Variants in PDS5A observed in about 807,000 individuals in gnomAD.
The protein encoded by PDS5A is sister chromatid cohesion protein PDS5 homolog A.
PDS5A carries 42 observed loss-of-function variants against 167.1 expected under a neutral mutation model. The ratio of observed to expected loss-of-function variants is 0.25; its 90% confidence interval spans 0.20 to 0.33. The LOEUF (loss-of-function observed/expected upper bound fraction) is 0.33, where lower values mean the gene tolerates loss of function less well. PDS5A is among the 10% of genes least tolerant of loss of function. PDS5A has a pLI of 1.00. For missense variants in PDS5A, 1,033 were observed against 1,605.9 expected (o/e 0.64, Z 6.10); for synonymous variants, 553 against 554.6 (o/e 1.00, Z 0.04).
intron 2 of PDS5A, among the ~76,000 whole-genome samples, chr4:39,955,596 G>A (rs1378901793): frequency 6.6e-6 from 1 of 151,772 alleles, no homozygotes; most frequent in African/African-American, 2.4e-5. Flanking sequence ...GCGAGACTCT[G>A]TCATAAAAAA....
At chr4:39,863,962 C>T (rs944471569) in intron 23 of PDS5A, among the ~76,000 whole-genome samples, 1 of 151,942 alleles carries the variant, frequency 6.6e-6, no homozygotes, top group Admixed American at 6.6e-5. Context: ...AACCCTGTTT[C>T]TACTAAAAAT....
intron 2 of PDS5A, among the ~76,000 whole-genome samples, chr4:39,955,328 G>A (rs575128040): frequency 3.3e-5 from 5 of 152,260 alleles, no homozygotes; most frequent in South Asian, 2.1e-4. Context: ...AGGGCCGGGC[G>A]TGGTGGCTCA....
At chr4:39,920,429 C>A in intron 6 of PDS5A, 30 bp from the exon 7 acceptor site, 1 of 1,005,868 alleles carries the variant, frequency 9.9e-7, no homozygotes, top group East Asian at 2.4e-5. Context: ...TGGAAAGTTA[C>A]AAATAAATGT....
At chr4:39,895,110 C>T (rs1476506389) in intron 16 of PDS5A, among the ~76,000 whole-genome samples, 1 of 151,106 alleles carries the variant, frequency 6.6e-6, no homozygotes, top group Non-Finnish European at 1.5e-5. Context: ...GCCTGTAGTC[C>T]CAGCTACTCG....
In PDS5A at chr4:39,824,291, T is replaced by C. The variant is rs1440246334; in HGVS notation, c.*1194A>G. The stretch of plus-strand genomic sequence containing the variant: ...ATGAAAAAATTCACAAGAAAGCATA[T>C]GATAAAAAGATTAAAAAGACTGCCA... On this transcript the variant is annotated 3_prime_UTR_variant, in exon 33 of 33. Transcript: ENST00000303538. The C allele has an allele frequency of 6.6e-6, 1 of 152,134 alleles. No individual in the cohort carries two copies. Among genetic ancestry groups the C allele is most frequent in the African/African-American group, 2.4e-5 (1 of 41,430 alleles). The allele number at this position is 152,134 out of a possible 1,614,324, so 9.4% of individuals were successfully genotyped here. A position where few individuals can be genotyped will look rare whatever the true frequency, so the allele number is the denominator to read the frequency against.
intron 22 of PDS5A, among the ~76,000 whole-genome samples, chr4:39,868,098 G>T: frequency 6.6e-6 from 1 of 152,088 alleles, no homozygotes; most frequent in Non-Finnish European, 1.5e-5. Flanking sequence ...CAAAGAAGAT[G>T]ATACAATCTT....
intron 4 of PDS5A, among the ~76,000 whole-genome samples, chr4:39,926,314 G>A (rs1239637875): frequency 6.6e-6 from 1 of 152,044 alleles, no homozygotes; most frequent in Non-Finnish European, 1.5e-5. Context: ...CTGAGGTCAG[G>A]AGTTTGAGAC....
At chr4:39,881,155 G>A (rs534261935) in intron 17 of PDS5A, among the ~76,000 whole-genome samples, 18 of 151,700 alleles carry the variant, frequency 1.2e-4, no homozygotes, top group African/African-American at 2.9e-4. Flanking sequence ...TTTTATGGCC[G>A]AATAGTATTC....
At chr4:39,972,406 G>A (rs931574433) in intron 2 of PDS5A, among the ~76,000 whole-genome samples, 11 of 152,292 alleles carry the variant, frequency 7.2e-5, no homozygotes, top group African/African-American at 2.4e-4. Context: ...TCTAATCCCA[G>A]CTACTTGGGA....
chr4:39,967,075 T>G (rs1578845440), intron 2 of PDS5A, among the ~76,000 whole-genome samples: 2 of 151,658 alleles, frequency 1.3e-5, no homozygotes, highest in Admixed American at 6.6e-5. Context: ...GAGGCCGAGG[T>G]GGGTGGATCA....
rs147741769 is a variant in PDS5A, at chr4:39,834,826, T to C, written c.4010+3030A>G. Among the ~76,000 whole-genome samples, 81 of 152,282 alleles carry C rather than the reference T, an allele frequency of 5.3e-4. No homozygotes were observed. The East Asian group carries it at 0.01, about 20-fold the overall frequency. ...ATTACCACCATCCATCTCTAGAACTTTCTCACGTTCCCCGATTGAAACTCC... is the reference window on the plus strand; with the variant it reads ...ATTACCACCATCCATCTCTAGAACTCTCTCACGTTCCCCGATTGAAACTCC... On this transcript the variant is annotated intron_variant, in intron 32 of 32. Coordinates refer to ENST00000303538, the MANE Select transcript of PDS5A (RefSeq NM_001100399.2).
chr4:39,842,907 T>TATATATATATATATATATATATATATA (rs1560419555), intron 30 of PDS5A, among the ~76,000 whole-genome samples: 9 of 28,440 alleles, frequency 3.2e-4, no homozygotes, highest in South Asian at 1.0e-3. Flanking sequence ...CTTATCCTAT[T>TATATATATATATATATATATATATATA]TTTATATATA....
intron 2 of PDS5A, among the ~76,000 whole-genome samples, chr4:39,970,790 C>CTTT (rs35223238): frequency 0.04 from 3,544 of 88,442 alleles, 161 homozygotes; most frequent in Middle Eastern, 0.076. Flanking sequence ...CCGCTTGTTC[C>CTTT]TTTTTTTTTT....
At chr4:39,921,743 C>A (rs773464932) in intron 6 of PDS5A, among the ~76,000 whole-genome samples, 12 of 152,098 alleles carry the variant, frequency 7.9e-5, no homozygotes, top group South Asian at 2.1e-4. Flanking sequence ...CAGAGTGAGA[C>A]CCTGTCCCAA....
intron 2 of PDS5A, chr4:39,973,917 A>G: frequency 1.6e-6 from 1 of 618,708 alleles, no homozygotes; most frequent in Non-Finnish European, 3.0e-6. Flanking sequence ...CGAGGTCAGG[A>G]GATCGAGACC....
intron 19 of PDS5A, 53 bp from the exon 20 acceptor site, chr4:39,874,465 T>C (rs1720303876): frequency 6.7e-7 from 1 of 1,497,648 alleles, no homozygotes; most frequent in Non-Finnish European, 9.3e-7. Context: ...AACCAACAAG[T>C]ATTCCTTTGG....
At chr4:39,973,777 T>C in intron 2 of PDS5A, 2 of 1,281,510 alleles carry the variant, frequency 1.6e-6, no homozygotes, top group East Asian at 2.3e-5. Flanking sequence ...AATCAACCCC[T>C]ACCAGCCAGC....
intron 11 of PDS5A, among the ~76,000 whole-genome samples, chr4:39,906,917 TAA>T (rs1191690836): frequency 4.8e-4 from 26 of 54,024 alleles, no homozygotes; most frequent in African/African-American, 1.4e-3. Context: ...ATTTCTTACA[TAA>T]AAAAAAAAAA....
chr4:39,959,760 G>A (rs975275917), intron 2 of PDS5A, among the ~76,000 whole-genome samples: 11 of 152,108 alleles, frequency 7.2e-5, no homozygotes, highest in African/African-American at 2.4e-4. Context: ...TTTGAGACCA[G>A]CCTGGCCAAC....
Sources: allele counts gnomAD v4.1 joint callset (sites outside exome capture counted in the v4.1 genomes callset), GRCh38; gene constraint gnomAD v4.1.1; transcripts MANE v1.5; gene names NCBI Gene and HGNC (gene_info 2026-07-23, HGNC 2026-07-21).